The following AKR1B1 variants were observed in gnomAD, a reference collection of about 807,000 sequenced individuals.
AKR1B1 encodes aldo-keto reductase family 1 member B, also known as aldo-keto reductase family 1 member B1.
A neutral mutation model predicts 40.4 loss-of-function variants in AKR1B1; 22 were observed. That is an observed-to-expected ratio of 0.54 (90% CI 0.39 to 0.78). The LOEUF (loss-of-function observed/expected upper bound fraction) is 0.78, where lower values mean the gene tolerates loss of function less well. Among genes scored for constraint, AKR1B1 ranks in the 30% least tolerant of loss-of-function variants. The probability of loss-of-function intolerance (pLI) is 0.00; values close to 1 mark genes in which losing one functional copy is unlikely to be tolerated. For synonymous variants in AKR1B1, 157 were observed against 149.9 expected (o/e 1.05, Z -0.35); for missense variants, 357 against 396.7 (o/e 0.90, Z 0.85).
chr7:134,450,621 T>G (rs761211097), intron 3 of AKR1B1, among the ~76,000 whole-genome samples, 165 bp downstream of exon 3: 1 of 152,206 alleles, frequency 6.6e-6, no homozygotes, highest in Non-Finnish European at 1.5e-5. Context: ...GAGACTGTGA[T>G]TTCTAAGACG....
intron 5 of AKR1B1, 96 bp from the exon 6 acceptor site, chr7:134,448,589 A>T: frequency 1.1e-6 from 1 of 927,996 alleles, no homozygotes; most frequent in South Asian, 1.4e-5. Flanking sequence ...TCCCTACCCC[A>T]TACAGAAAAC....
chr7:134,450,808 A>G lies in AKR1B1; in HGVS notation c.329T>C (p.Ile110Thr), dbSNP rs1161442982. The G allele has an allele frequency of 6.2e-7, 1 of 1,614,090 alleles. No homozygotes were observed. The highest frequency in any genetic ancestry group is 1.7e-5 in the Admixed American group (1 of 60,028). ...LKLDYLDLYL[I>T]HWPTGFKPGK... ...TACCTTAAAGCCAGTCGGCCAGTGA[A>G]TAAGGTAGAGGTCCAGGTAGTCCAG... Residue 110 changes from isoleucine to threonine, a missense_variant, in exon 3 of 10, where the codon ATT (isoleucine) becomes ACT (threonine). Transcript: ENST00000285930.
At chr7:134,445,566 C>CA (rs1349389946) in intron 8 of AKR1B1, among the ~76,000 whole-genome samples, 1 of 152,042 alleles carries the variant, frequency 6.6e-6, no homozygotes, top group Non-Finnish European at 1.5e-5. Context: ...TATTTCATTT[C>CA]AAAAAACACT....
At chr7:134,445,067 C>T in intron 9 of AKR1B1, 171 bp downstream of exon 9, 1 of 696,330 alleles carries the variant, frequency 1.4e-6, no homozygotes, top group Non-Finnish European at 2.6e-6. Flanking sequence ...CATCTTGGCT[C>T]CATGCAGTTC....
intron 1 of AKR1B1, among the ~76,000 whole-genome samples, chr7:134,452,573 C>A (rs1360549510): frequency 6.6e-6 from 1 of 152,164 alleles, no homozygotes; most frequent in Admixed American, 6.5e-5. Flanking sequence ...GAGGAAGTGC[C>A]TACATGGCAT....
intron 8 of AKR1B1, 126 bp from the exon 9 acceptor site, chr7:134,445,446 GA>G: frequency 1.3e-6 from 1 of 791,332 alleles, no homozygotes; most frequent in Non-Finnish European, 2.1e-6. Flanking sequence ...CTGAACTTAG[GA>G]AAAGCTGATA....
intron 9 of AKR1B1, 160 bp downstream of exon 9, chr7:134,445,078 A>ACGTG: frequency 1.4e-6 from 1 of 716,172 alleles, no homozygotes; most frequent in East Asian, 2.7e-5. Flanking sequence ...CATGCAGTTC[A>ACGTG]GCTGATGCAA....
At chr7:134,447,861 C>T (rs952817101) in intron 7 of AKR1B1, 119 bp downstream of exon 7, 1 of 886,738 alleles carries the variant, frequency 1.1e-6, no homozygotes, top group Non-Finnish European at 1.9e-6. Flanking sequence ...TACTTGAGGA[C>T]CCCTAACCAT....
chr7:134,445,070 T>C (rs1486871876), intron 9 of AKR1B1, 168 bp downstream of exon 9: 1 of 703,688 alleles, frequency 1.4e-6, no homozygotes, highest in East Asian at 2.7e-5. Context: ...CTTGGCTCCA[T>C]GCAGTTCAGC....
intron 8 of AKR1B1, 51 bp downstream of exon 8, chr7:134,447,247 C>T (rs1456141817): frequency 1.4e-6 from 2 of 1,475,438 alleles, no homozygotes; most frequent in African/African-American, 1.4e-5. Context: ...GAGGCCTCCC[C>T]CATCCCCCAC....
intron 1 of AKR1B1, among the ~76,000 whole-genome samples, chr7:134,458,176 T>C (rs1806528234): frequency 6.6e-6 from 1 of 152,190 alleles, no homozygotes; most frequent in South Asian, 2.1e-4. Context: ...TTTCATATCA[T>C]ATTATCATTT....
At chr7:134,452,625 C>T (rs933348233) in intron 1 of AKR1B1, among the ~76,000 whole-genome samples, 1 of 152,162 alleles carries the variant, frequency 6.6e-6, no homozygotes, top group African/African-American at 2.4e-5. Context: ...GGACACGTAT[C>T]CCCCAACTTT....
At chr7:134,456,719 A>G (rs1806484129) in intron 1 of AKR1B1, among the ~76,000 whole-genome samples, 2 of 152,174 alleles carry the variant, frequency 1.3e-5, no homozygotes, top group South Asian at 4.2e-4. Context: ...ACTTTTGGAT[A>G]CCTACTCCTA....
At chr7:134,453,279 C>A (rs1198110249) in intron 1 of AKR1B1, among the ~76,000 whole-genome samples, 1 of 152,192 alleles carries the variant, frequency 6.6e-6, no homozygotes, top group African/African-American at 2.4e-5. Context: ...GCACTGCCTG[C>A]CATGCAACTG....
intron 3 of AKR1B1, 37 bp downstream of exon 3, chr7:134,450,749 G>T: frequency 6.5e-7 from 1 of 1,544,316 alleles, no homozygotes; most frequent in Non-Finnish European, 8.9e-7. Context: ...TTGCACCTGA[G>T]CCCCAAGGGA....
At chr7:134,447,248 C>T (rs368876377) in intron 8 of AKR1B1, 50 bp downstream of exon 8, 8 of 1,495,578 alleles carry the variant, frequency 5.3e-6, no homozygotes, top group South Asian at 3.4e-5. Flanking sequence ...AGGCCTCCCC[C>T]ATCCCCCACT....
intron 1 of AKR1B1, among the ~76,000 whole-genome samples, chr7:134,457,406 G>C (rs915675903): frequency 2.0e-5 from 3 of 152,114 alleles, no homozygotes; most frequent in Non-Finnish European, 4.4e-5. Flanking sequence ...AGCATAACAT[G>C]CAACAGATGG....
intron 4 of AKR1B1, chr7:134,449,445 G>A (rs1318168552): frequency 1.1e-5 from 6 of 566,854 alleles, no homozygotes; most frequent in Non-Finnish European, 1.9e-5. Flanking sequence ...AAATTAGCCG[G>A]GCGTGGTGGC....
chr7:134,442,497 T>C lies in AKR1B1; in HGVS notation c.*231A>G, dbSNP rs1412499196. 5.8e-6 allele frequency: 3 copies of C among 518,516 alleles called. No homozygotes were observed. 32.1% of individuals were successfully genotyped at this position (518,516 alleles called of 1,614,324 possible). On this transcript the variant is annotated 3_prime_UTR_variant, in exon 10 of 10. Coordinates refer to ENST00000285930, the MANE Select transcript of AKR1B1 (RefSeq NM_001628.4). ...CTTTGGTCAGAAAAGGGTATTCAGG[T>C]TGTACTTTCCCCAGCAGGGTAGAAA...
Sources: gnomAD v4.1 joint callset for allele counts (sites outside exome capture counted in the v4.1 genomes callset) on GRCh38, gnomAD v4.1.1 for gene constraint, MANE v1.5 for transcripts, NCBI Gene and HGNC (gene_info 2026-07-23, HGNC 2026-07-21) for gene names.